GRM7: variants seen among roughly 807,000 people sequenced by gnomAD.
GRM7 encodes glutamate metabotropic receptor 7, also known as metabotropic glutamate receptor 7.
A neutral mutation model predicts 84.5 loss-of-function variants in GRM7; 35 were observed. The observed-to-expected ratio is 0.41, with a 90% CI of 0.32 to 0.55. GRM7 has a LOEUF of 0.55. GRM7 is among the 20% of genes least tolerant of loss of function. The probability of loss-of-function intolerance (pLI) is 0.19; values close to 1 mark genes in which losing one functional copy is unlikely to be tolerated. For missense variants in GRM7, 1,003 were observed against 1,194.6 expected, an observed-to-expected ratio of 0.84 and a Z score of 2.36; for synonymous variants, 487 against 455.1, an observed-to-expected ratio of 1.07 and a Z score of -0.89.
rs76444168 is a variant in GRM7, at chr3:7,044,937, A to G, written c.520-101515A>G. Among the ~76,000 whole-genome samples, 766 of 152,274 alleles carry G rather than the reference A, an allele frequency of 5.0e-3. 8 individuals carry two copies. Among genetic ancestry groups the G allele is most frequent in the African/African-American group, 0.017 (717 of 41,568 alleles). ...TTTTTAAATTGCTATTTTTTGACAG[A>G]AACTTTAGAGGTGAAATTAGTTAAA... On this transcript the variant is annotated intron_variant, in intron 1 of 9. Coordinates refer to ENST00000357716, the MANE Select transcript of GRM7 (RefSeq NM_000844.4).
intron 2 of GRM7, among the ~76,000 whole-genome samples, chr3:7,150,265 A>G (rs572696205): frequency 1.3e-5 from 2 of 152,184 alleles, no homozygotes; most frequent in South Asian, 4.1e-4. Flanking sequence ...TTTAGCTTCA[A>G]AATTTACTTT....
intron 7 of GRM7, among the ~76,000 whole-genome samples, chr3:7,492,647 C>T (rs1409390930): frequency 1.3e-5 from 2 of 151,988 alleles, no homozygotes; most frequent in Non-Finnish European, 1.5e-5. Context: ...AAGAGCTGAC[C>T]TTTTATTTCA....
chr3:7,500,445 C>T (rs1168374138), intron 7 of GRM7, among the ~76,000 whole-genome samples: 2 of 152,210 alleles, frequency 1.3e-5, no homozygotes, highest in African/African-American at 4.8e-5. Context: ...AGCTCTTCTG[C>T]CAGGGGGCCA....
At chr3:7,290,473 G>A (rs1699582828) in intron 2 of GRM7, among the ~76,000 whole-genome samples, 1 of 152,128 alleles carries the variant, frequency 6.6e-6, no homozygotes, top group Non-Finnish European at 1.5e-5. Context: ...TAAAATTCCT[G>A]AATACATTTT....
chr3:7,144,291 A>T (rs747329009), intron 1 of GRM7, among the ~76,000 whole-genome samples: 1 of 152,204 alleles, frequency 6.6e-6, no homozygotes, highest in Admixed American at 6.5e-5. Context: ...AAACAAGTTA[A>T]TAATACTATA....
At chr3:7,542,623 C>T (rs1377733592) in intron 7 of GRM7, among the ~76,000 whole-genome samples, 1 of 150,598 alleles carries the variant, frequency 6.6e-6, no homozygotes, top group Non-Finnish European at 1.5e-5. Context: ...TCTTGGCTCA[C>T]TGCAAACTTC....
At chr3:7,298,263 C>T (rs180671877) in intron 2 of GRM7, among the ~76,000 whole-genome samples, 10 of 152,160 alleles carry the variant, frequency 6.6e-5, no homozygotes, top group East Asian at 1.9e-4. Flanking sequence ...GGAATGCAAA[C>T]GCCACAAAAG....
intron 9 of GRM7, among the ~76,000 whole-genome samples, chr3:7,699,400 A>ATCC (rs1490207611): frequency 6.6e-6 from 1 of 152,182 alleles, no homozygotes; most frequent in Non-Finnish European, 1.5e-5. Context: ...CACATTTCAA[A>ATCC]CCAGGGGATA....
At chr3:7,449,100 C>G (rs913994694) in intron 5 of GRM7, among the ~76,000 whole-genome samples, 1 of 152,004 alleles carries the variant, frequency 6.6e-6, no homozygotes, top group African/African-American at 2.4e-5. Context: ...GTTCTTTTAA[C>G]ATTGCTCAAT....
intron 7 of GRM7, among the ~76,000 whole-genome samples, chr3:7,470,884 C>T (rs2124923259): frequency 6.6e-6 from 1 of 152,004 alleles, no homozygotes; most frequent in South Asian, 2.1e-4. Context: ...TCTAGAATGA[C>T]CTGGTTATGT....
intron 1 of GRM7, among the ~76,000 whole-genome samples, chr3:7,115,828 G>A (rs1417103119): frequency 6.6e-6 from 1 of 152,146 alleles, no homozygotes; most frequent in African/African-American, 2.4e-5. Flanking sequence ...GCATATATGT[G>A]TCAGAGGGTT....
In GRM7 at chr3:7,067,840, C is replaced by T. The variant is rs190753139; in HGVS notation, c.520-78612C>T. 2.1e-3 allele frequency among the ~76,000 whole-genome samples: 313 copies of T among 152,044 alleles called. 1 individual carries two copies. Among genetic ancestry groups the T allele is most frequent in the Non-Finnish European group, 3.3e-3 (222 of 67,944 alleles). ...AGCCAATTTGTACCATAATACCCCA[C>T]CTTTTAGTATTGGATTACCTTAAAA... is the stretch of plus-strand genomic sequence containing the variant. On this transcript the variant is annotated intron_variant, in intron 1 of 9. Transcript: ENST00000357716.
intron 4 of GRM7, among the ~76,000 whole-genome samples, chr3:7,321,987 A>G (rs1213987194): frequency 6.6e-6 from 1 of 152,140 alleles, no homozygotes; most frequent in Admixed American, 6.6e-5. Flanking sequence ...TGTGATTCCA[A>G]GAAAAACCCC....
chr3:7,504,993 A>G (rs1426302615), intron 7 of GRM7, among the ~76,000 whole-genome samples: 1 of 152,222 alleles, frequency 6.6e-6, no homozygotes, highest in Non-Finnish European at 1.5e-5. Flanking sequence ...CCAGCTGTGA[A>G]CTTGTGAAAT....
At chr3:7,017,289 A>T (rs903317868) in intron 1 of GRM7, among the ~76,000 whole-genome samples, 2 of 152,204 alleles carry the variant, frequency 1.3e-5, no homozygotes, top group African/African-American at 4.8e-5. Context: ...CAGACTTTAA[A>T]AAGGAAAGTT....
chr3:7,173,184 A>G (rs1394525251), intron 2 of GRM7, among the ~76,000 whole-genome samples: 1 of 152,186 alleles, frequency 6.6e-6, no homozygotes. Context: ...TTTAGTCACA[A>G]TGCCCCTCTA....
intron 1 of GRM7, among the ~76,000 whole-genome samples, chr3:6,960,929 T>G (rs1693273434): frequency 6.6e-6 from 1 of 152,232 alleles, no homozygotes. Flanking sequence ...CTATCCTGGT[T>G]GTCATAGTTG....
intron 1 of GRM7, among the ~76,000 whole-genome samples, chr3:6,868,689 T>C (rs527747746): frequency 6.6e-6 from 1 of 152,308 alleles, no homozygotes; most frequent in African/African-American, 2.4e-5. Context: ...TTCAGATATA[T>C]GTGCAAAGTG....
chr3:7,267,029 C>T (rs955054885), intron 2 of GRM7, among the ~76,000 whole-genome samples: 1 of 152,210 alleles, frequency 6.6e-6, no homozygotes, highest in Non-Finnish European at 1.5e-5. Flanking sequence ...AATTGCTGAT[C>T]TTCCTATCTG....
Sources: allele counts gnomAD v4.1 joint callset (sites outside exome capture counted in the v4.1 genomes callset), GRCh38; gene constraint gnomAD v4.1.1; transcripts MANE v1.5; gene names NCBI Gene and HGNC (gene_info 2026-07-23, HGNC 2026-07-21).